ADCY3: variants seen among roughly 807,000 people sequenced by gnomAD.
The protein encoded by ADCY3 is adenylate cyclase 3.
In ADCY3, 70 loss-of-function variants were observed where a neutral mutation model predicts 119.4. The observed-to-expected ratio is 0.59, with a 90% CI of 0.48 to 0.72. The LOEUF (loss-of-function observed/expected upper bound fraction) is 0.72. Among genes scored for constraint, ADCY3 ranks in the 30% least tolerant of loss-of-function variants. The pLI is 0.00. For missense variants in ADCY3, 1,238 were observed against 1,541.6 expected (o/e 0.80, Z 3.30); for synonymous variants, 672 against 621.4 (o/e 1.08, Z -1.21).
At chr2:24,875,656 C>T (rs552388658) in intron 2 of ADCY3, among the ~76,000 whole-genome samples, 1 of 152,214 alleles carries the variant, frequency 6.6e-6, no homozygotes, top group Non-Finnish European at 1.5e-5. Context: ...TGACGTGCAG[C>T]CTGGGTGGGG....
chr2:24,836,873 G>A (rs527315662), intron 9 of ADCY3, 44 bp downstream of exon 9: 9 of 1,562,286 alleles, frequency 5.8e-6, no homozygotes, highest in Admixed American at 3.8e-5. Context: ...GTGCCTGCCC[G>A]CATCTGGCCC....
rs549955757 is a variant in ADCY3, at chr2:24,904,254, G to T, written c.675+14059C>A. On this transcript the variant is annotated intron_variant, in intron 2 of 21. Coordinates refer to ENST00000679454, the MANE Select transcript of ADCY3 (RefSeq NM_004036.5). The stretch of plus-strand genomic sequence containing the variant: ...TACACTATTCCACTATTCTAGCCGG[G>T]TGTGGTGGCTCACGCCTGTAATCCC... Among the ~76,000 whole-genome samples, 25 of 152,332 alleles carry T rather than the reference G, an allele frequency of 1.6e-4. No homozygotes were observed. In the South Asian group the frequency reaches 4.8e-3, roughly 29 times the overall value.
At chr2:24,910,593 A>T (rs1056211981) in intron 2 of ADCY3, among the ~76,000 whole-genome samples, 5 of 152,180 alleles carry the variant, frequency 3.3e-5, no homozygotes, top group African/African-American at 1.2e-4. Context: ...ATTCCCGAGG[A>T]AAATGTTTTT....
chr2:24,869,384 C>T, intron 3 of ADCY3, among the ~76,000 whole-genome samples: 1 of 146,326 alleles, frequency 6.8e-6, no homozygotes. Context: ...TATAGGACTT[C>T]TTCATTAGGG....
chr2:24,861,124 A>G (rs559616451), intron 3 of ADCY3, among the ~76,000 whole-genome samples: 18 of 152,112 alleles, frequency 1.2e-4, no homozygotes, highest in Middle Eastern at 6.8e-3. Flanking sequence ...GGTGGTGGGC[A>G]CCTGTAGTCC....
chr2:24,915,737 C>T (rs537569240), intron 2 of ADCY3, among the ~76,000 whole-genome samples: 9 of 152,242 alleles, frequency 5.9e-5, no homozygotes, highest in South Asian at 4.1e-4. Flanking sequence ...GATGCGGTTT[C>T]GCCATGTTGG....
intron 17 of ADCY3, among the ~76,000 whole-genome samples, chr2:24,823,785 G>A (rs1012479974): frequency 1.3e-5 from 2 of 150,500 alleles, no homozygotes; most frequent in African/African-American, 4.9e-5. Context: ...TCCACCTCCC[G>A]GGTTCAAGTG....
intron 3 of ADCY3, among the ~76,000 whole-genome samples, chr2:24,867,090 A>G (rs1674397687): frequency 6.6e-6 from 1 of 152,246 alleles, no homozygotes. Flanking sequence ...CAAGCAGAGC[A>G]ACTGCAAAGA....
intron 15 of ADCY3, among the ~76,000 whole-genome samples, chr2:24,826,873 AACTC>A: frequency 6.6e-6 from 1 of 152,286 alleles, no homozygotes; most frequent in East Asian, 1.9e-4. Flanking sequence ...CGGTTGTACT[AACTC>A]ATACTCCCAC....
intron 19 of ADCY3, chr2:24,821,968 A>C: frequency 3.4e-6 from 1 of 293,760 alleles, no homozygotes; most frequent in Non-Finnish European, 6.4e-6. Flanking sequence ...TCCCTCAACT[A>C]GGTGATAAGC....
At chr2:24,894,645 T>C (rs1333039348) in intron 2 of ADCY3, among the ~76,000 whole-genome samples, 3 of 152,062 alleles carry the variant, frequency 2.0e-5, no homozygotes, top group African/African-American at 7.2e-5. Context: ...CTCAAAGAGA[T>C]TAAAAATGAG....
chr2:24,861,943 C>G (rs1437818308), intron 3 of ADCY3, among the ~76,000 whole-genome samples: 1 of 152,254 alleles, frequency 6.6e-6, no homozygotes, highest in African/African-American at 2.4e-5. Context: ...TATCCCCTAA[C>G]AATGGTATTA....
intron 16 of ADCY3, among the ~76,000 whole-genome samples, chr2:24,825,046 A>T (rs1486696805): frequency 1.3e-5 from 2 of 152,192 alleles, no homozygotes; most frequent in Non-Finnish European, 2.9e-5. Flanking sequence ...CCGTAATTAC[A>T]GCAGAGATCC....
In ADCY3 at chr2:24,833,516, C is replaced by T. The variant is rs370786046; in HGVS notation, c.1967+969G>A. Among the ~76,000 whole-genome samples, 24 of 152,338 alleles carry T rather than the reference C, an allele frequency of 1.6e-4. 1 individual carries two copies. In the East Asian group the frequency reaches 2.9e-3, roughly 18 times the overall value. On this transcript the variant is annotated intron_variant, in intron 11 of 21. Transcript: ENST00000679454. ...AAACAAAGCTCCCCAGCAGCATACC[C>T]GCCTCCCTTCCTTGCCTTCCCTGTG...
At chr2:24,879,646 G>A (rs1222725949) in intron 2 of ADCY3, among the ~76,000 whole-genome samples, 1 of 152,090 alleles carries the variant, frequency 6.6e-6, no homozygotes, top group Non-Finnish European at 1.5e-5. Context: ...ACAAGAGGAG[G>A]CAGGGCAGAG....
At chr2:24,822,009 T>C (rs1037467344) in intron 19 of ADCY3, 2 of 234,770 alleles carry the variant, frequency 8.5e-6, no homozygotes, top group African/African-American at 4.5e-5. Context: ...CTTGGACGTG[T>C]TTCTTTAACC....
At chr2:24,890,397 G>C (rs930128417) in intron 2 of ADCY3, among the ~76,000 whole-genome samples, 2 of 152,116 alleles carry the variant, frequency 1.3e-5, no homozygotes, top group Admixed American at 6.5e-5. Context: ...TGTGGAATTG[G>C]TATTATTTCA....
chr2:24,887,658 G>C (rs1157311165), intron 2 of ADCY3, among the ~76,000 whole-genome samples: 1 of 151,882 alleles, frequency 6.6e-6, no homozygotes, highest in Non-Finnish European at 1.5e-5. Flanking sequence ...CTCTCGGTGA[G>C]GCCAACACTC....
intron 2 of ADCY3, among the ~76,000 whole-genome samples, chr2:24,885,877 A>G (rs941850300): frequency 1.3e-4 from 20 of 151,932 alleles, no homozygotes; most frequent in Non-Finnish European, 2.4e-4. Context: ...GAGGTAAACC[A>G]TCTGCTTTAG....
Sources: gnomAD v4.1 joint callset for allele counts (sites outside exome capture counted in the v4.1 genomes callset) on GRCh38, gnomAD v4.1.1 for gene constraint, MANE v1.5 for transcripts, NCBI Gene and HGNC (gene_info 2026-07-23, HGNC 2026-07-21) for gene names.